Variants in OGN observed in about 807,000 individuals in gnomAD.
OGN encodes the protein osteoglycin, also known as mimecan.
A neutral mutation model predicts 30.8 loss-of-function variants in OGN; 19 were observed. The observed-to-expected ratio is 0.62, with a 90% CI of 0.43 to 0.90. The LOEUF is 0.90. Among genes scored for constraint, OGN ranks in the 40% least tolerant of loss-of-function variants. The pLI is 0.00. For synonymous variants in OGN, 126 were observed against 128.3 expected, an observed-to-expected ratio of 0.98 and a Z score of 0.12; for missense variants, 283 against 349.7, an observed-to-expected ratio of 0.81 and a Z score of 1.52.
intron 3 of OGN, among the ~76,000 whole-genome samples, chr9:92,400,244 A>G (rs912694678): frequency 1.3e-5 from 2 of 152,086 alleles, no homozygotes; most frequent in African/African-American, 2.4e-5. Context: ...TCCACCTCCC[A>G]GGTTCAAGCA....
chr9:92,384,599 A>G lies in OGN; in HGVS notation c.*1021T>C, dbSNP rs1341816148. On this transcript the variant is annotated 3_prime_UTR_variant, in exon 7 of 7. Coordinates refer to ENST00000375561, the MANE Select transcript of OGN (RefSeq NM_014057.5). ...GAAGATTTAATTCTTGCAGTTAGCCATGTCAGTTTATCATGAGTAATCAGA... is the reference window on the plus strand; with the variant it reads ...GAAGATTTAATTCTTGCAGTTAGCCGTGTCAGTTTATCATGAGTAATCAGA... 5 of 152,144 alleles carry G rather than the reference A, an allele frequency of 3.3e-5. No individual in the cohort carries two copies. In the East Asian group the frequency reaches 7.7e-4, roughly 23 times the overall value. 9.4% of individuals were successfully genotyped at this position (152,144 alleles called of 1,614,324 possible).
At chr9:92,403,516 T>A in intron 1 of OGN, 34 bp from the exon 2 acceptor site, 1 of 1,451,690 alleles carries the variant, frequency 6.9e-7, no homozygotes, top group Non-Finnish European at 9.1e-7. Flanking sequence ...CGAAGCAATA[T>A]TTAAAAGCTT....
intron 3 of OGN, among the ~76,000 whole-genome samples, chr9:92,395,650 T>C (rs1405858682): frequency 6.6e-6 from 1 of 152,242 alleles, no homozygotes; most frequent in Non-Finnish European, 1.5e-5. Context: ...GAGTTCCAGC[T>C]GCTCCACATC....
chr9:92,389,804 C>G (rs887443286), intron 5 of OGN, 50 bp downstream of exon 5: 2 of 1,222,584 alleles, frequency 1.6e-6, no homozygotes, highest in South Asian at 1.4e-5. Context: ...TCTCTTTTAT[C>G]TATCATATCA....
chr9:92,393,149 C>T lies in OGN; in HGVS notation c.364G>A (p.Ala122Thr), dbSNP rs1842757175. Reference sequence around the variant, plus strand: ...TTGTTGAATCGTGCGTAAAGATAGGCTGATTCCTTTGGTAAGGGTGGTACA... The same window carrying T: ...TTGTTGAATCGTGCGTAAAGATAGGTTGATTCCTTTGGTAAGGGTGGTACA... ...DAVPPLPKES[A>T]YLYARFNKIK... is the part of the protein sequence containing the mutation. The change falls in exon 4 of 7, where the codon GCC (alanine) becomes ACC (threonine). Residue 122 changes from alanine (A) to threonine (T), a missense_variant. Coordinates refer to ENST00000375561, the MANE Select transcript of OGN (RefSeq NM_014057.5). 6.2e-7 allele frequency: 1 copy of T among 1,613,888 alleles called. No homozygotes were observed. Among genetic ancestry groups the T allele is most frequent in the Non-Finnish European group, 8.5e-7 (1 of 1,179,904 alleles).
chr9:92,393,516 A>C (rs1378839799), intron 3 of OGN, among the ~76,000 whole-genome samples: 1 of 152,220 alleles, frequency 6.6e-6, no homozygotes, highest in Non-Finnish European at 1.5e-5. Context: ...GAAAACCAAA[A>C]AAATTTACAA....
chr9:92,383,424 A>G lies in OGN; in HGVS notation c.*2196T>C, dbSNP rs1172995508. Among the ~76,000 whole-genome samples the G allele has an allele frequency of 1.3e-5, 2 of 152,216 alleles. No individual in the cohort carries two copies. The highest frequency in any genetic ancestry group is 2.9e-5 in the Non-Finnish European group (2 of 68,040). On this transcript the variant is annotated 3_prime_UTR_variant, in exon 7 of 7. Transcript: ENST00000375561. ...TTAACAACATTAAATCTTACCATCC[A>G]TAAACACAAGACATCTTTCCATTTA...
rs1248602177 is a variant in OGN, at chr9:92,384,621, CAGAA to C, written c.*995_*998del. ...GCCATGTCAGTTTATCATGAGTAAT[CAGAA>C]AGTGTTACTCAGAAGCTTTATTGTG... On this transcript the variant is annotated 3_prime_UTR_variant, in exon 7 of 7. Transcript: ENST00000375561. 6.6e-6 allele frequency: 1 copy of C among 152,056 alleles called. No individual in the cohort carries two copies. The highest frequency in any genetic ancestry group is 1.9e-4 in the East Asian group (1 of 5,196). The allele number at this position is 152,056 out of a possible 1,614,324, so 9.4% of individuals were successfully genotyped here.
Position 92,383,930 on chromosome 9 carries a change from GT to G in OGN, c.*1689del, listed in dbSNP as rs1237375784. 7.9e-5 allele frequency: 12 copies of G among 152,066 alleles called. No homozygotes were observed. The allele number at this position is 152,066 out of a possible 1,614,324, so 9.4% of individuals were successfully genotyped here. A position where few individuals can be genotyped will look rare whatever the true frequency, so the allele number is the denominator to read the frequency against. The stretch of plus-strand genomic sequence containing the variant: ...ATGACAGTCATTCAAGATTATGATA[GT>G]TTAAAGATTCAATTTTTCCAAATAA... On this transcript the variant is annotated 3_prime_UTR_variant, in exon 7 of 7. Transcript: ENST00000375561.
At chr9:92,395,820 CT>C (rs879727834) in intron 3 of OGN, among the ~76,000 whole-genome samples, 295 of 141,814 alleles carry the variant, frequency 2.1e-3, no homozygotes, top group African/African-American at 4.2e-3. Context: ...GATGACTTGT[CT>C]TTTTTTTTTT....
At position 92,393,163 on chromosome 9, in the gene OGN, A is replaced by G. The variant is rs1441678183; in HGVS notation, c.350T>C (p.Leu117Ser). The G allele has an allele frequency of 6.2e-7, 1 of 1,613,908 alleles. No homozygotes were observed. The highest frequency in any genetic ancestry group is 1.7e-5 in the Admixed American group (1 of 60,010). The change falls in exon 4 of 7, where the codon TTA (leucine) becomes TCA (serine). Residue 117 changes from leucine (L) to serine (S), a missense_variant. Physicochemically the swap from Leu to Ser is moderately radical, Grantham distance 145. Transcript: ENST00000375561. Reference protein sequence around the residue: ...EEVDIDAVPPLPKESAYLYAR... With the variant: ...EEVDIDAVPPSPKESAYLYAR... The stretch of plus-strand genomic sequence containing the variant: ...GTAAAGATAGGCTGATTCCTTTGGT[A>G]AGGGTGGTACAGCATCAATGTCAAC...
At chr9:92,386,325 T>C (rs768425791) in intron 5 of OGN, 29 bp from the exon 6 acceptor site, 6 of 1,410,396 alleles carry the variant, frequency 4.3e-6, no homozygotes, top group African/African-American at 1.4e-5. Context: ...GTGAGTGTTA[T>C]TGAGGTTCTG....
chr9:92,403,402 C>T lies in OGN; in HGVS notation c.6G>A (p.Lys2=). Residue 2 remains lysine, a synonymous_variant, in exon 2 of 7, where the codon AAG becomes AAA. Transcript: ENST00000375561. Reference sequence around the variant, plus strand: ...ACAGGAGAAGTGTAGACTGCAGAGTCTTCATTTTAGCAAAAATCAAGGTGA... The same window carrying T: ...ACAGGAGAAGTGTAGACTGCAGAGTTTTCATTTTAGCAAAAATCAAGGTGA... M[K]TLQSTLLLLL... 6.3e-7 allele frequency: 1 copy of T among 1,595,776 alleles called. No individual in the cohort carries two copies. The highest frequency in any genetic ancestry group is 8.5e-7 in the Non-Finnish European group (1 of 1,172,732).
chr9:92,390,019 T>C lies in OGN; in HGVS notation c.465A>G (p.Ile155Met), dbSNP rs775806125. The C allele has an allele frequency of 6.2e-7, 1 of 1,605,902 alleles. No homozygotes were observed. Among genetic ancestry groups the C allele is most frequent in the South Asian group, 1.1e-5 (1 of 89,980 alleles). ...AAAAAGTACCATCTTCTATATCTTC[T>C]ATCAAATTTCCTGTAAAATCGAGTC... ...LRRLDFTGNL[I>M]EDIEDGTFSK... is the part of the protein sequence containing the mutation. The change falls in exon 5 of 7, where the codon ATA (isoleucine) becomes ATG (methionine). Residue 155 changes from isoleucine (I) to methionine (M), a missense_variant. Physicochemically the swap from Ile to Met is conservative, Grantham distance 10. Transcript: ENST00000375561.
intron 2 of OGN, 37 bp downstream of exon 2, chr9:92,403,197 T>C: frequency 7.1e-7 from 1 of 1,401,012 alleles, no homozygotes; most frequent in Non-Finnish European, 9.8e-7. Flanking sequence ...AAATGGGCAG[T>C]ATTTTAGAAG....
intron 3 of OGN, among the ~76,000 whole-genome samples, chr9:92,397,163 C>T (rs1054274772): frequency 2.0e-5 from 3 of 151,920 alleles, no homozygotes; most frequent in African/African-American, 7.3e-5. Flanking sequence ...GGTAATAGAG[C>T]GAGACCCTGT....
rs533070387 is a variant in OGN, at chr9:92,391,416, ATAAAT to A, written c.428-1365_428-1361del. ...AGTAAGACTCCATCTCAAAAAATAA[ATAAAT>A]TAAATTAAATTAAATTACAATAAAA... On this transcript the variant is annotated intron_variant, in intron 4 of 6. Coordinates refer to ENST00000375561, the MANE Select transcript of OGN (RefSeq NM_014057.5). Among the ~76,000 whole-genome samples, 18 of 151,984 alleles carry A rather than the reference ATAAAT, an allele frequency of 1.2e-4. No individual in the cohort carries two copies. In the East Asian group the frequency reaches 2.5e-3, roughly 21 times the overall value.
chr9:92,387,046 T>C (rs1403154011), intron 5 of OGN, among the ~76,000 whole-genome samples: 3 of 95,396 alleles, frequency 3.1e-5, no homozygotes, highest in African/African-American at 1.3e-4. Flanking sequence ...AGACTCTGTC[T>C]CAAAAAGAAA....
intron 5 of OGN, among the ~76,000 whole-genome samples, chr9:92,386,818 G>A (rs1404263059): frequency 2.0e-5 from 3 of 152,020 alleles, no homozygotes; most frequent in East Asian, 3.9e-4. Flanking sequence ...TCCTGACCTC[G>A]TGATCTGCCC....
Sources: allele counts gnomAD v4.1 joint callset (sites outside exome capture counted in the v4.1 genomes callset), GRCh38; gene constraint gnomAD v4.1.1; transcripts MANE v1.5; gene names NCBI Gene and HGNC (gene_info 2026-07-23, HGNC 2026-07-21).